The following ANKRD31 variants were observed in gnomAD, a reference collection of about 807,000 sequenced individuals.
ANKRD31 encodes ankyrin repeat domain-containing protein 31.
ANKRD31 carries 147 observed loss-of-function variants against 186.0 expected under a neutral mutation model. The ratio of observed to expected loss-of-function variants is 0.79; its 90% confidence interval spans 0.69 to 0.91. The LOEUF (loss-of-function observed/expected upper bound fraction) is 0.91. Among genes scored for constraint, ANKRD31 ranks in the 40% least tolerant of loss-of-function variants. The pLI is 0.00. For missense variants in ANKRD31, 1,986 were observed against 2,148.8 expected (o/e 0.92, Z 1.50); for synonymous variants, 673 against 736.4 (o/e 0.91, Z 1.39).
intron 10 of ANKRD31, among the ~76,000 whole-genome samples, chr5:75,170,844 T>C (rs988662947): frequency 1.3e-5 from 2 of 152,120 alleles, no homozygotes; most frequent in Non-Finnish European, 2.9e-5. Context: ...TAATATTATA[T>C]ATAGTAGAGT....
At chr5:75,074,601 A>C (rs1482689186) in intron 25 of ANKRD31, among the ~76,000 whole-genome samples, 1 of 152,218 alleles carries the variant, frequency 6.6e-6, no homozygotes, top group Non-Finnish European at 1.5e-5. Flanking sequence ...AAATAGGCTA[A>C]TCCCCATTTA....
chr5:75,148,324 A>G (rs185697846), intron 13 of ANKRD31, among the ~76,000 whole-genome samples: 16 of 151,964 alleles, frequency 1.1e-4, no homozygotes, highest in Admixed American at 9.8e-4. Flanking sequence ...AATTAGACAT[A>G]GTTGATAAAC....
intron 11 of ANKRD31, among the ~76,000 whole-genome samples, chr5:75,155,676 A>G (rs1752116213): frequency 6.6e-6 from 1 of 152,168 alleles, no homozygotes; most frequent in Non-Finnish European, 1.5e-5. Flanking sequence ...CTAAATTTCC[A>G]TGTTAATGTA....
At chr5:75,092,985 G>A (rs1235030489) in intron 22 of ANKRD31, among the ~76,000 whole-genome samples, 1 of 152,126 alleles carries the variant, frequency 6.6e-6, no homozygotes, top group African/African-American at 2.4e-5. Flanking sequence ...ATTTACCAAA[G>A]AGGCTCAACA....
intron 11 of ANKRD31, among the ~76,000 whole-genome samples, chr5:75,164,503 C>G (rs1752788412): frequency 6.6e-6 from 1 of 152,158 alleles, no homozygotes. Context: ...GTAGAGAGTA[C>G]ATAAGCAGGC....
At chr5:75,176,063 C>CA (rs1044040939) in intron 10 of ANKRD31, among the ~76,000 whole-genome samples, 36 of 152,292 alleles carry the variant, frequency 2.4e-4, no homozygotes, top group African/African-American at 8.7e-4. Flanking sequence ...ACAGGCTTAA[C>CA]AAACAGCACA....
In ANKRD31 at chr5:75,068,557, A is replaced by C. The variant is rs1743946797; in HGVS notation, c.5755T>G (p.Trp1919Gly). The C allele has an allele frequency of 6.6e-7, 1 of 1,525,176 alleles. No individual in the cohort carries two copies. The allele number at this position is 1,525,176 out of a possible 1,614,324, so 94.5% of individuals were successfully genotyped here. A position where few individuals can be genotyped will look rare whatever the true frequency, so the allele number is the denominator to read the frequency against. The change falls in exon 26 of 26, where the codon TGG becomes GGG. Residue 1919 changes from tryptophan to glycine, a missense_variant. Trp to Gly is a radical substitution (Grantham distance 184). Transcript: ENST00000506364. Reference sequence around the variant, plus strand: ...TCCTCACATTCCACACAAAACTTCCAATGCTGATCCATTATGTGGCATGGG... The same window carrying C: ...TCCTCACATTCCACACAAAACTTCCCATGCTGATCCATTATGTGGCATGGG... ...FLPCHIMDQH[W>G]KFCVECEELT...
chr5:75,192,698 G>A lies in ANKRD31; in HGVS notation c.1377C>T (p.Ile459=), dbSNP rs370061537. ...HSARFKNGKQ[I]RKNEQFSGKK... Reference sequence around the variant, plus strand: ...TTCCTGAAAATTGTTCATTTTTCCTGATCTGTTTTCCATTCTTGAACCTTG... The same window carrying A: ...TTCCTGAAAATTGTTCATTTTTCCTAATCTGTTTTCCATTCTTGAACCTTG... The change falls in exon 9 of 26, where the codon ATC becomes ATT. Residue 459 remains isoleucine, a synonymous_variant. Transcript: ENST00000506364. 1.6e-4 allele frequency: 246 copies of A among 1,532,942 alleles called. No individual in the cohort carries two copies. Among genetic ancestry groups the A allele is most frequent in the Non-Finnish European group, 2.1e-4 (236 of 1,144,838 alleles). The allele number at this position is 1,532,942 out of a possible 1,614,324, so 95.0% of individuals were successfully genotyped here. A position where few individuals can be genotyped will look rare whatever the true frequency, so the allele number is the denominator to read the frequency against.
At chr5:75,211,838 T>G (rs1756670870) in intron 3 of ANKRD31, among the ~76,000 whole-genome samples, 1 of 151,282 alleles carries the variant, frequency 6.6e-6, no homozygotes, top group African/African-American at 2.4e-5. Context: ...AATTCAGTTG[T>G]TTTTTTTTCT....
chr5:75,204,541 A>G (rs1285692114), intron 5 of ANKRD31, among the ~76,000 whole-genome samples: 1 of 152,250 alleles, frequency 6.6e-6, no homozygotes, highest in African/African-American at 2.4e-5. Flanking sequence ...TAGTGTTACT[A>G]GAAACTTATT....
At chr5:75,086,039 C>A (rs1745457590) in intron 23 of ANKRD31, among the ~76,000 whole-genome samples, 1 of 152,184 alleles carries the variant, frequency 6.6e-6, no homozygotes, top group Non-Finnish European at 1.5e-5. Context: ...CCCTGAATGC[C>A]ATTTGTCAGT....
intron 17 of ANKRD31, among the ~76,000 whole-genome samples, chr5:75,135,792 C>G (rs1750524714): frequency 6.6e-6 from 1 of 152,180 alleles, no homozygotes; most frequent in South Asian, 2.1e-4. Flanking sequence ...GTAACCAAAA[C>G]AGCATGGTAC....
At chr5:75,191,251 T>G (rs1210035680) in intron 9 of ANKRD31, among the ~76,000 whole-genome samples, 2 of 152,138 alleles carry the variant, frequency 1.3e-5, no homozygotes, top group Admixed American at 1.3e-4. Context: ...TAGTCTTTCT[T>G]TTCACCACAA....
chr5:75,187,054 T>TGTGTGTG (rs1561517803), intron 10 of ANKRD31, among the ~76,000 whole-genome samples: 7 of 140,678 alleles, frequency 5.0e-5, no homozygotes, highest in South Asian at 2.2e-4. Context: ...TGTGTGTGTG[T>TGTGTGTG]TTTGGGAGGC....
intron 25 of ANKRD31, among the ~76,000 whole-genome samples, chr5:75,069,721 T>C (rs1744065730): frequency 6.6e-6 from 1 of 151,974 alleles, no homozygotes; most frequent in Non-Finnish European, 1.5e-5. Context: ...AATTTTTGTA[T>C]CTTTAGTAGA....
intron 11 of ANKRD31, among the ~76,000 whole-genome samples, chr5:75,164,549 G>GT (rs1489569289): frequency 6.6e-6 from 1 of 152,152 alleles, no homozygotes; most frequent in African/African-American, 2.4e-5. Context: ...AGAGGAATTG[G>GT]TAAGTGTAGA....
At chr5:75,206,249 AT>A (rs1331581977) in intron 5 of ANKRD31, among the ~76,000 whole-genome samples, 161 bp downstream of exon 5, 17 of 1,592 alleles carry the variant, frequency 0.011, 2 homozygotes, top group South Asian at 0.11. Context: ...AAAAAAAAAA[AT>A]ATATATATAT....
chr5:75,176,043 C>T (rs376646696), intron 10 of ANKRD31, among the ~76,000 whole-genome samples: 41 of 152,164 alleles, frequency 2.7e-4, no homozygotes, highest in African/African-American at 8.9e-4. Context: ...CCTAATACTG[C>T]GCTTTTCCAA....
chr5:75,110,318 G>T (rs1027547364), intron 20 of ANKRD31, among the ~76,000 whole-genome samples: 6 of 152,104 alleles, frequency 3.9e-5, no homozygotes, highest in Non-Finnish European at 5.9e-5. Context: ...AGCAGTTATG[G>T]TAGAGAAGGA....
Sources: gnomAD v4.1 joint callset for allele counts (sites outside exome capture counted in the v4.1 genomes callset) on GRCh38, gnomAD v4.1.1 for gene constraint, MANE v1.5 for transcripts, NCBI Gene and HGNC (gene_info 2026-07-23, HGNC 2026-07-21) for gene names.